The following SMOC1 variants were observed in gnomAD, a reference collection of about 807,000 sequenced individuals.
SMOC1 encodes the protein SPARC-related modular calcium-binding protein 1.
A neutral mutation model predicts 56.3 loss-of-function variants in SMOC1; 22 were observed. The ratio of observed to expected loss-of-function variants is 0.39; its 90% CI spans 0.28 to 0.56. SMOC1 has a LOEUF of 0.56. SMOC1 is among the 20% of genes least tolerant of loss of function. The pLI is 0.61. For missense variants in SMOC1, 509 were observed against 565.4 expected (o/e 0.90, Z 1.01); for synonymous variants, 193 against 215.0 (o/e 0.90, Z 0.89).
chr14:69,924,345 T>C (rs181482718), intron 1 of SMOC1, among the ~76,000 whole-genome samples: 1 of 152,340 alleles, frequency 6.6e-6, no homozygotes, highest in East Asian at 1.9e-4. Context: ...CTCATATACT[T>C]GTCATTTTTT....
At chr14:69,921,536 G>A (rs983472443) in intron 1 of SMOC1, among the ~76,000 whole-genome samples, 1 of 152,122 alleles carries the variant, frequency 6.6e-6, no homozygotes, top group South Asian at 2.1e-4. Flanking sequence ...CTGAGTCCTG[G>A]GGCTCTGGGT....
At chr14:69,893,056 G>A (rs1011293650) in intron 1 of SMOC1, among the ~76,000 whole-genome samples, 3 of 152,050 alleles carry the variant, frequency 2.0e-5, no homozygotes, top group African/African-American at 4.8e-5. Context: ...TGGAGTTTCC[G>A]CACTAGATTT....
chr14:69,885,610 C>T lies in SMOC1; in HGVS notation c.99+5833C>T, dbSNP rs1883779955. The T allele has an allele frequency of 3.3e-6, 5 of 1,504,048 alleles. No individual in the cohort carries two copies. In the South Asian group the frequency reaches 5.7e-5, roughly 17 times the overall value. 93.2% of individuals were successfully genotyped at this position (1,504,048 alleles called of 1,614,324 possible). A position where few individuals can be genotyped will look rare whatever the true frequency, so the allele number is the denominator to read the frequency against. ...CCTTGATAATGCAGTAAGGGACCCC[C>T]ATTTTACGACATAGGGCAGGCAAGA... On this transcript the variant is annotated intron_variant, in intron 1 of 11. Transcript: ENST00000361956.
At chr14:69,996,631 G>T (rs181338350) in intron 7 of SMOC1, among the ~76,000 whole-genome samples, 1 of 152,182 alleles carries the variant, frequency 6.6e-6, no homozygotes, top group Admixed American at 6.5e-5. Context: ...CTTTTGTTGG[G>T]GTGGCCTGGC....
chr14:69,998,981 C>T (rs1165840809), intron 7 of SMOC1, among the ~76,000 whole-genome samples: 2 of 152,200 alleles, frequency 1.3e-5, no homozygotes, highest in African/African-American at 4.8e-5. Flanking sequence ...CCACAGCGCT[C>T]CCTTCTCTAC....
At chr14:69,987,900 A>G (rs1884425335) in intron 5 of SMOC1, among the ~76,000 whole-genome samples, 1 of 152,184 alleles carries the variant, frequency 6.6e-6, no homozygotes, top group Non-Finnish European at 1.5e-5. Flanking sequence ...CGGGGGCTGC[A>G]ACTTTCTGGG....
At chr14:69,887,890 G>A (rs898242605) in intron 1 of SMOC1, among the ~76,000 whole-genome samples, 2 of 152,162 alleles carry the variant, frequency 1.3e-5, no homozygotes, top group Non-Finnish European at 2.9e-5. Context: ...TCTGGACTAG[G>A]GGAAGGCCTG....
At chr14:70,008,543 G>A (rs762370528) in intron 7 of SMOC1, among the ~76,000 whole-genome samples, 9 of 152,144 alleles carry the variant, frequency 5.9e-5, no homozygotes, top group Non-Finnish European at 5.9e-5. Context: ...CCCAAGCCAC[G>A]AGTCTGTGCC....
At chr14:69,999,607 C>T (rs1436561102) in intron 7 of SMOC1, among the ~76,000 whole-genome samples, 2 of 152,146 alleles carry the variant, frequency 1.3e-5, no homozygotes, top group African/African-American at 4.8e-5. Context: ...GGATGTCTGC[C>T]CATCTCTCTG....
At chr14:69,934,142 G>A (rs975420586) in intron 1 of SMOC1, among the ~76,000 whole-genome samples, 2 of 152,148 alleles carry the variant, frequency 1.3e-5, no homozygotes, top group African/African-American at 4.8e-5. Flanking sequence ...TCCCAGGTGT[G>A]TCTCACTGAA....
chr14:69,970,560 A>C (rs954650977), intron 3 of SMOC1, among the ~76,000 whole-genome samples: 4 of 152,218 alleles, frequency 2.6e-5, no homozygotes, highest in Non-Finnish European at 4.4e-5. Flanking sequence ...TTTGAGGCCC[A>C]AGTGAGATAA....
intron 1 of SMOC1, among the ~76,000 whole-genome samples, chr14:69,927,910 T>C (rs1245971014): frequency 1.3e-5 from 2 of 152,120 alleles, no homozygotes; most frequent in Non-Finnish European, 2.9e-5. Context: ...CTTTGTGTCC[T>C]GTAACTTGAA....
chr14:69,883,783 A>G (rs1883711562), intron 1 of SMOC1, among the ~76,000 whole-genome samples: 1 of 151,528 alleles, frequency 6.6e-6, no homozygotes, highest in Admixed American at 6.6e-5. Flanking sequence ...TATCCTTACC[A>G]GCACTTGTTG....
intron 1 of SMOC1, among the ~76,000 whole-genome samples, chr14:69,884,638 A>G (rs1276284364): frequency 1.3e-5 from 2 of 152,150 alleles, no homozygotes; most frequent in Non-Finnish European, 2.9e-5. Flanking sequence ...GTCTAATTTC[A>G]TTCTTCTGCA....
intron 1 of SMOC1, among the ~76,000 whole-genome samples, chr14:69,935,730 A>C (rs972478576): frequency 2.6e-5 from 4 of 152,122 alleles, no homozygotes; most frequent in African/African-American, 9.7e-5. Flanking sequence ...TGTGCCTGGG[A>C]CCTGACTCCG....
chr14:69,921,928 A>T (rs922368621), intron 1 of SMOC1, among the ~76,000 whole-genome samples: 1 of 152,144 alleles, frequency 6.6e-6, no homozygotes, highest in Non-Finnish European at 1.5e-5. Flanking sequence ...AGTGCTCTGG[A>T]TGAATTGGGC....
intron 5 of SMOC1, among the ~76,000 whole-genome samples, chr14:69,992,150 G>A (rs371181611): frequency 6.6e-6 from 1 of 152,148 alleles, no homozygotes. Context: ...TGTGAGAAAC[G>A]GTCCCCCAAA....
In SMOC1 at chr14:69,940,600, G is replaced by C. The variant is rs536157705; in HGVS notation, c.100-11538G>C. On this transcript the variant is annotated intron_variant, in intron 1 of 11. Transcript: ENST00000361956. The stretch of plus-strand genomic sequence containing the variant: ...GGGCAGGACGCTTAGAACCAAACAG[G>C]CATGAAGAAACTCCTTCTTTGTCCT... 1.3e-4 allele frequency among the ~76,000 whole-genome samples: 19 copies of C among 150,960 alleles called. 1 individual carries two copies. The South Asian group carries it at 3.8e-3, about 30-fold the overall frequency.
At chr14:69,941,621 C>T (rs1311872006) in intron 1 of SMOC1, among the ~76,000 whole-genome samples, 6 of 152,178 alleles carry the variant, frequency 3.9e-5, no homozygotes, top group African/African-American at 2.4e-5. Context: ...TGTTTTACTT[C>T]CTTCATTGGC....
Sources: allele counts gnomAD v4.1 joint callset (sites outside exome capture counted in the v4.1 genomes callset), GRCh38; gene constraint gnomAD v4.1.1; transcripts MANE v1.5; gene names NCBI Gene and HGNC (gene_info 2026-07-23, HGNC 2026-07-21).